ZSWIM8: variants seen among roughly 807,000 people sequenced by gnomAD.
ZSWIM8 encodes the protein zinc finger SWIM-type containing 8, also known as zinc finger SWIM domain-containing protein 8.
ZSWIM8 carries 27 observed loss-of-function variants against 173.7 expected under a neutral mutation model. That is an observed-to-expected ratio of 0.16 (90% CI 0.11 to 0.21). ZSWIM8 has a LOEUF of 0.21. Among genes scored for constraint, ZSWIM8 ranks in the 10% least tolerant of loss-of-function variants. The pLI is 1.00. For missense variants in ZSWIM8, 1,627 were observed against 2,428.8 expected (o/e 0.67, Z 6.94); for synonymous variants, 958 against 962.0 (o/e 1.00, Z 0.08).
At chr10:73,790,334 G>C (rs2083373212) in intron 7 of ZSWIM8, 42 bp downstream of exon 7, 1 of 1,557,590 alleles carries the variant, frequency 6.4e-7, no homozygotes, top group Non-Finnish European at 8.7e-7. Flanking sequence ...GGTGGAGGGG[G>C]AGCGTCCCTC....
rs2083343482 is a variant in ZSWIM8, at chr10:73,789,581, AT to A, written c.630+43del. On this transcript the variant is annotated intron_variant, in intron 4 of 25. Coordinates refer to ENST00000604729, the MANE Select transcript of ZSWIM8 (RefSeq NM_001367799.1). This position sits in a 1 kb window ranked among gnomAD's most constrained non-coding sequence, Gnocchi z 6.8. The stretch of plus-strand genomic sequence containing the variant: ...TTATCCCGGCCCTATCCTACACTCC[AT>A]CCCCCCCTTCTCTGCTGCATGCCTG... 1.3e-6 allele frequency: 2 copies of A among 1,594,180 alleles called. No homozygotes were observed. The highest frequency in any genetic ancestry group is 1.7e-6 in the Non-Finnish European group (2 of 1,170,488).
At chr10:73,790,392 T>G in intron 7 of ZSWIM8, 100 bp downstream of exon 7, 2 of 1,486,692 alleles carry the variant, frequency 1.3e-6, no homozygotes, top group South Asian at 2.7e-5. Context: ...GACCCCTACC[T>G]TTTATTCCCT....
At chr10:73,790,314 C>T (rs1565071877) in intron 7 of ZSWIM8, 22 bp downstream of exon 7, 1 of 1,579,158 alleles carries the variant, frequency 6.3e-7, no homozygotes, top group Non-Finnish European at 8.6e-7. Context: ...CTCTGCATAC[C>T]TGTGTCTGTG....
intron 11 of ZSWIM8, 65 bp from the exon 12 acceptor site, chr10:73,793,800 C>T: frequency 6.5e-7 from 1 of 1,530,434 alleles, no homozygotes; most frequent in African/African-American, 1.4e-5. Flanking sequence ...GTGAGAGCAT[C>T]CTTCTACCTC....
intron 7 of ZSWIM8, 34 bp from the exon 8 acceptor site, chr10:73,790,937 TCTTA>T (rs2083396221): frequency 6.3e-7 from 1 of 1,576,908 alleles, no homozygotes; most frequent in African/African-American, 1.3e-5. Context: ...TTCAGCCCCG[TCTTA>T]CTGTCATGGT....
chr10:73,794,720 G>A, intron 14 of ZSWIM8, 81 bp downstream of exon 14: 2 of 1,257,042 alleles, frequency 1.6e-6, no homozygotes, highest in Non-Finnish European at 1.1e-6. Flanking sequence ...GTGAAGGGCT[G>A]TATGGTAATG....
chr10:73,800,471 C>T lies in ZSWIM8; in HGVS notation c.5001C>T (p.Val1667=), dbSNP rs563010903. 2.9e-5 allele frequency: 46 copies of T among 1,613,586 alleles called. No homozygotes were observed. The highest frequency in any genetic ancestry group is 1.9e-4 in the South Asian group (17 of 91,052). ...SLHHLHAAYR[V]GMLALEMLGR... ...ACCACCTGCATGCTGCCTACCGTGT[C>T]GGTGAGAGGACATCCCTTTCTGTGC... Residue 1667 remains valine, a splice_region_variant and synonymous_variant, in exon 23 of 26, where the codon GTC becomes GTT. Coordinates refer to ENST00000604729, the MANE Select transcript of ZSWIM8 (RefSeq NM_001367799.1). This position sits in a 1 kb window ranked among gnomAD's most constrained non-coding sequence, Gnocchi z 4.1.
In ZSWIM8 at chr10:73,799,407, ACTCACCCAG is replaced by A. The variant is rs1355284280; in HGVS notation, c.4590_4598del (p.Ala1534_Pro1536del). On this transcript the variant is annotated inframe_deletion, in exon 21 of 26. Transcript: ENST00000604729. ...CCTGCCCTGTAGCCCTCAGTATCTC[ACTCACCCAG>A]CTCACCCTGCCCACCCCATGCCTCA... 6 of 1,610,180 alleles carry A rather than the reference ACTCACCCAG, an allele frequency of 3.7e-6. No homozygotes were observed. In the African/African-American group the frequency reaches 4.0e-5, roughly 11 times the overall value.
In ZSWIM8 at chr10:73,785,709, C is replaced by T; in HGVS notation, c.-170C>T. On this transcript the variant is annotated 5_prime_UTR_variant, in exon 1 of 26. Coordinates refer to ENST00000604729, the MANE Select transcript of ZSWIM8 (RefSeq NM_001367799.1). ...CCGCGCTGTTGGGCGAGGCCCGGTC[C>T]CGTCTCTTTCCCAGGCCTGAGATTC... is the stretch of plus-strand genomic sequence containing the variant. 1.4e-6 allele frequency: 1 copy of T among 722,078 alleles called. No individual in the cohort carries two copies. Among genetic ancestry groups the T allele is most frequent in the South Asian group, 1.5e-5 (1 of 65,886 alleles). 44.7% of individuals were successfully genotyped at this position (722,078 alleles called of 1,614,324 possible).
intron 7 of ZSWIM8, 137 bp from the exon 8 acceptor site, chr10:73,790,838 G>C (rs1339803233): frequency 1.4e-6 from 1 of 701,210 alleles, no homozygotes; most frequent in African/African-American, 1.8e-5. Context: ...GACAGAGCAA[G>C]ACTTGGTCTC....
At position 73,797,817 on chromosome 10, in the gene ZSWIM8, T is replaced by C. The variant is rs2083741688; in HGVS notation, c.3699T>C (p.His1233=). ...GCCGCCCCGAGAGTCATGCCCCTCA[T>C]GTACCCAATCAGCCATCAGAGGCAG... The part of the protein sequence containing the change: ...KGRRPESHAP[H]VPNQPSEAAA... The change falls in exon 19 of 26, where the codon CAT becomes CAC. Residue 1233 remains histidine, a synonymous_variant. Coordinates refer to ENST00000604729, the MANE Select transcript of ZSWIM8 (RefSeq NM_001367799.1). This position sits in a 1 kb window ranked among gnomAD's most constrained non-coding sequence, Gnocchi z 5.6. The C allele has an allele frequency of 1.2e-6, 2 of 1,613,248 alleles. No homozygotes were observed. The highest frequency in any genetic ancestry group is 2.2e-5 in the East Asian group (1 of 44,836).
At chr10:73,796,357 AAAAG>A (rs1292593461) in intron 15 of ZSWIM8, 8 of 428,902 alleles carry the variant, frequency 1.9e-5, no homozygotes, top group Admixed American at 5.8e-5. Flanking sequence ...TCTTAAAAAA[AAAAG>A]AAGAAGAAGA....
chr10:73,799,331 G>T lies in ZSWIM8; in HGVS notation c.4506G>T (p.Leu1502=), dbSNP rs765012042. The change falls in exon 21 of 26, where the codon CTG becomes CTT. Residue 1502 remains leucine, a synonymous_variant. Coordinates refer to ENST00000604729, the MANE Select transcript of ZSWIM8 (RefSeq NM_001367799.1). ...VGSSLYPGPG[L]GHGHSPGLHP... ...CTAGTTTATACCCGGGTCCAGGACT[G>T]GGGCATGGCCACTCCCCTGGCCTGC... 1 of 1,610,036 alleles carries T rather than the reference G, an allele frequency of 6.2e-7. No individual in the cohort carries two copies. The highest frequency in any genetic ancestry group is 8.5e-7 in the Non-Finnish European group (1 of 1,178,390).
Position 73,796,985 on chromosome 10 carries a change from C to G in ZSWIM8, c.3245C>G (p.Thr1082Ser). The change falls in exon 16 of 26, where the codon ACT (threonine) becomes AGT (serine). Residue 1082 changes from threonine (T) to serine (S), a missense_variant. Around this residue, in one of 18 missense-constraint regions of ZSWIM8, gnomAD observed 163 missense variants for 193.2 expected, o/e 0.84. Transcript: ENST00000604729. ...GTGGCAGGGGCTGGGCCAGGCCCCA[C>G]TGAGGGCTTCACAGAGAAGAATGTG... ...GSVAGAGPGP[T>S]EGFTEKNVPE... 1 of 1,612,514 alleles carries G rather than the reference C, an allele frequency of 6.2e-7. No homozygotes were observed. The highest frequency in any genetic ancestry group is 8.5e-7 in the Non-Finnish European group (1 of 1,178,932).
intron 1 of ZSWIM8, among the ~76,000 whole-genome samples, chr10:73,787,215 A>T (rs1481942060): frequency 1.3e-5 from 2 of 152,122 alleles, no homozygotes; most frequent in African/African-American, 4.8e-5. Context: ...AAGTGCTGGG[A>T]TTACAGGCGT....
rs1245848175 is a variant in ZSWIM8, at chr10:73,800,007, C to G, written c.4666-4C>G. 2 of 1,612,690 alleles carry G rather than the reference C, an allele frequency of 1.2e-6. No homozygotes were observed. The highest frequency in any genetic ancestry group is 8.5e-7 in the Non-Finnish European group (1 of 1,179,438). ...ATCTTCCCCTTTCTTCTCCCTGCCC[C>G]TAGGGTGTGCATCCTGCATTCCTAG... On this transcript the variant is annotated splice_polypyrimidine_tract_variant and splice_region_variant and intron_variant, in intron 21 of 25. Coordinates refer to ENST00000604729, the MANE Select transcript of ZSWIM8 (RefSeq NM_001367799.1). The surrounding 1 kb of genome is among the most constrained non-coding windows in gnomAD (Gnocchi z 4.1).
In ZSWIM8 at chr10:73,794,646, C is replaced by A. The variant is rs2083545732; in HGVS notation, c.2908+7C>A. 1 of 1,550,170 alleles carries A rather than the reference C, an allele frequency of 6.5e-7. No homozygotes were observed. Among genetic ancestry groups the A allele is most frequent in the South Asian group, 1.2e-5 (1 of 83,918 alleles). On this transcript the variant is annotated splice_region_variant and intron_variant, in intron 14 of 25. Transcript: ENST00000604729. ...GCAGCAGTTGCTGCCTTGGGTGAGT[C>A]TTGAGCATATCAACGAGCTAAGCCT...
intron 2 of ZSWIM8, 127 bp downstream of exon 2, chr10:73,788,950 C>A: frequency 7.0e-7 from 1 of 1,421,734 alleles, no homozygotes; most frequent in Non-Finnish European, 9.6e-7. Context: ...GGAGGGATTG[C>A]CTGGGATTCC....
At chr10:73,786,136 G>T in intron 1 of ZSWIM8, 50 bp downstream of exon 1, 1 of 1,465,066 alleles carries the variant, frequency 6.8e-7, no homozygotes, top group Non-Finnish European at 9.1e-7. Context: ...CTTGGGCCTC[G>T]CTCGGGAGCT....
Sources: gnomAD v4.1 joint callset for allele counts (sites outside exome capture counted in the v4.1 genomes callset) on GRCh38, gnomAD v4.1.1 for gene constraint, gnomAD v4.1.1 regional missense constraint, Gnocchi (gnomAD v3.1) non-coding constraint, MANE v1.5 for transcripts, NCBI Gene and HGNC (gene_info 2026-07-23, HGNC 2026-07-21) for gene names.